CFAP54: variants seen among roughly 807,000 people sequenced by gnomAD.
CFAP54 encodes cilia- and flagella-associated protein 54.
A neutral mutation model predicts 370.4 loss-of-function variants in CFAP54; 290 were observed. The ratio of observed to expected loss-of-function variants is 0.78; its 90% confidence interval spans 0.71 to 0.86. The LOEUF is 0.86. Ranked by LOEUF, CFAP54 falls within the 40% of genes least tolerant of loss-of-function variation. The pLI, the probability that CFAP54 is intolerant of heterozygous loss-of-function variation, is 0.00. For synonymous variants in CFAP54, 1,206 were observed against 1,236.5 expected, an observed-to-expected ratio of 0.98 and a Z score of 0.52; for missense variants, 3,399 against 3,528.7, an observed-to-expected ratio of 0.96 and a Z score of 0.93.
intron 67 of CFAP54, among the ~76,000 whole-genome samples, chr12:96,867,867 G>T (rs1486955244): frequency 6.6e-6 from 1 of 152,032 alleles, no homozygotes; most frequent in Non-Finnish European, 1.5e-5. Context: ...TGTGTTGTAC[G>T]CTCAAAAATT....
intron 50 of CFAP54, among the ~76,000 whole-genome samples, chr12:96,729,304 AG>A (rs1270949604): frequency 1.3e-5 from 2 of 152,174 alleles, no homozygotes; most frequent in African/African-American, 4.8e-5. Context: ...AGAGGCCGGC[AG>A]GCCTCCTTGA....
chr12:96,602,130 G>T (rs747766189), intron 26 of CFAP54, among the ~76,000 whole-genome samples: 37 of 151,046 alleles, frequency 2.4e-4, no homozygotes, highest in Non-Finnish European at 5.0e-4. Flanking sequence ...TGCTTTAAAT[G>T]TATGCCAGAG....
At chr12:96,794,631 T>C (rs1434217358) in intron 63 of CFAP54, among the ~76,000 whole-genome samples, 3 of 152,164 alleles carry the variant, frequency 2.0e-5, no homozygotes, top group Admixed American at 2.0e-4. Context: ...TGAAGATTTT[T>C]CCATCCATAT....
intron 17 of CFAP54, among the ~76,000 whole-genome samples, chr12:96,556,095 A>C (rs1365035790): frequency 2.0e-5 from 3 of 152,088 alleles, no homozygotes; most frequent in African/African-American, 7.2e-5. Context: ...CCCATACACA[A>C]AAATATCTTC....
intron 3 of CFAP54, 43 bp downstream of exon 3, chr12:96,504,072 G>C (rs1482167001): frequency 1.2e-5 from 18 of 1,454,548 alleles, no homozygotes; most frequent in Non-Finnish European, 1.5e-5. Context: ...TTTATGATTA[G>C]CTATACAATG....
Position 96,740,057 on chromosome 12 carries a change from C to T in CFAP54, c.7067C>T (p.Thr2356Ile), listed in dbSNP as rs753715787. ...DDTENPVSPG[T>I]SVTENKDDSE... ...ACAGAGAATCCTGTCTCTCCAGGAA[C>T]TTCTGTAAGTATGACTTAATGTCTG... The change falls in exon 51 of 68, where the codon ACT becomes ATT. Residue 2356 changes from threonine (T) to isoleucine (I), a missense_variant. Physicochemically the swap from Thr to Ile is moderately conservative, Grantham distance 89 (BLOSUM62 -1). This residue lies in a region of CFAP54 where 2,796 missense variants were observed against 2,869.7 expected (regional missense o/e 0.97). Coordinates refer to ENST00000524981, the MANE Select transcript of CFAP54 (RefSeq NM_001306084.2). The T allele has an allele frequency of 6.5e-7, 1 of 1,547,390 alleles. No homozygotes were observed. Among genetic ancestry groups the T allele is most frequent in the Admixed American group, 1.7e-5 (1 of 58,340 alleles).
intron 26 of CFAP54, among the ~76,000 whole-genome samples, chr12:96,600,897 A>G (rs1025308670): frequency 3.9e-5 from 6 of 152,216 alleles, no homozygotes; most frequent in Non-Finnish European, 7.3e-5. Flanking sequence ...CAATCATGTC[A>G]TCTGCAAACA....
intron 66 of CFAP54, among the ~76,000 whole-genome samples, chr12:96,856,313 A>G (rs1190633750): frequency 1.3e-5 from 2 of 152,092 alleles, no homozygotes; most frequent in Non-Finnish European, 2.9e-5. Flanking sequence ...GCTCCTTTTT[A>G]CTTATGCAAA....
chr12:96,561,225 G>A (rs1955811711), intron 17 of CFAP54, among the ~76,000 whole-genome samples: 1 of 152,162 alleles, frequency 6.6e-6, no homozygotes, highest in African/African-American at 2.4e-5. Flanking sequence ...ATGGGGGCAA[G>A]TCTTTCCCAT....
intron 40 of CFAP54, among the ~76,000 whole-genome samples, chr12:96,683,605 G>T (rs944555006): frequency 2.6e-5 from 4 of 152,090 alleles, no homozygotes; most frequent in African/African-American, 9.7e-5. Context: ...GACATCTTTG[G>T]TCTTAACCTA....
chr12:96,665,009 T>A (rs973718085), intron 39 of CFAP54, among the ~76,000 whole-genome samples: 2 of 151,826 alleles, frequency 1.3e-5, no homozygotes, highest in African/African-American at 2.4e-5. Flanking sequence ...TAGCAGACAT[T>A]CTGACTGGTG....
intron 60 of CFAP54, among the ~76,000 whole-genome samples, chr12:96,767,280 G>A (rs1405516896): frequency 1.3e-5 from 2 of 152,152 alleles, no homozygotes; most frequent in Non-Finnish European, 2.9e-5. Flanking sequence ...AAGAACCATA[G>A]AAAAGACACG....
intron 55 of CFAP54, among the ~76,000 whole-genome samples, chr12:96,748,132 T>C (rs894823364): frequency 1.2e-4 from 19 of 152,120 alleles, no homozygotes; most frequent in African/African-American, 4.3e-4. Flanking sequence ...TTTAGATGAA[T>C]TTATGTTTCC....
Position 96,625,693 on chromosome 12 carries a change from C to G in CFAP54, c.3887-25C>G, listed in dbSNP as rs1956542681. ...ATTTTGCGTTACTAAACAGAACATACAACTTTTGAATTTTTTAACCTTAGA... is the reference window on the plus strand; with the variant it reads ...ATTTTGCGTTACTAAACAGAACATAGAACTTTTGAATTTTTTAACCTTAGA... On this transcript the variant is annotated intron_variant, in intron 28 of 67. Transcript: ENST00000524981. The G allele has an allele frequency of 6.8e-6, 10 of 1,476,036 alleles. 1 individual carries two copies. Among genetic ancestry groups the G allele is most frequent in the Non-Finnish European group, 9.1e-6 (10 of 1,098,902 alleles). 91.4% of individuals were successfully genotyped at this position (1,476,036 alleles called of 1,614,324 possible).
chr12:96,690,466 C>T (rs1204168899), intron 43 of CFAP54, among the ~76,000 whole-genome samples: 1 of 152,154 alleles, frequency 6.6e-6, no homozygotes, highest in Admixed American at 6.5e-5. Context: ...GTTTCTCCAA[C>T]ATCTAGTGTA....
rs986922 is a variant in CFAP54 at position 96,841,888 on chromosome 12, C to T, written c.9171+12800C>T. ...AAGTTATTTCCCTAGGCGTCACTTCCTTATCTATAAATTGGTGAAAGCTAT... is the reference window on the plus strand; with the variant it reads ...AAGTTATTTCCCTAGGCGTCACTTCTTTATCTATAAATTGGTGAAAGCTAT... On this transcript the variant is annotated intron_variant, in intron 66 of 67. Transcript: ENST00000524981. Among the ~76,000 whole-genome samples the T allele has an allele frequency of 1.1e-3, 171 of 152,336 alleles. 3 individuals carry two copies. In the East Asian group the frequency reaches 0.03, roughly 27 times the overall value.
chr12:96,757,655 T>A, intron 58 of CFAP54, 67 bp downstream of exon 58: 1 of 847,500 alleles, frequency 1.2e-6, no homozygotes, highest in South Asian at 1.9e-5. Flanking sequence ...GGTAACACTG[T>A]GCTATTGAAA....
chr12:96,826,861 TATA>T (rs1323865811), intron 65 of CFAP54, among the ~76,000 whole-genome samples: 1 of 118,208 alleles, frequency 8.5e-6, no homozygotes. Flanking sequence ...TAATATATTA[TATA>T]ATATTATGAT....
chr12:96,780,709 A>G (rs1335438527), intron 60 of CFAP54, among the ~76,000 whole-genome samples: 2 of 152,190 alleles, frequency 1.3e-5, no homozygotes, highest in Non-Finnish European at 2.9e-5. Context: ...ACCTAGGTCC[A>G]AAATGAAATT....
Sources: gnomAD v4.1 joint callset for allele counts (sites outside exome capture counted in the v4.1 genomes callset) on GRCh38, gnomAD v4.1.1 for gene constraint, gnomAD v4.1.1 regional missense constraint, MANE v1.5 for transcripts, NCBI Gene and HGNC (gene_info 2026-07-23, HGNC 2026-07-21) for gene names.